The following SH3GL2 variants were observed in gnomAD, a reference collection of about 807,000 sequenced individuals.
SH3GL2 encodes endophilin-A1.
In SH3GL2, 24 loss-of-function variants were observed where a neutral mutation model predicts 46.0. The ratio of observed to expected loss-of-function variants is 0.52; its 90% CI spans 0.38 to 0.73. SH3GL2 has a LOEUF of 0.73. Ranked by LOEUF, SH3GL2 falls within the 30% of genes least tolerant of loss-of-function variation. SH3GL2 has a pLI of 0.00. For missense variants in SH3GL2, 413 were observed against 424.2 expected (o/e 0.97, Z 0.23); for synonymous variants, 196 against 147.1 (o/e 1.33, Z -2.40).
rs759018165 is a variant in SH3GL2 at position 17,600,842 on chromosome 9, GAGAA to G, written c.45+21559_45+21562del. Reference sequence around the variant, plus strand: ...AATTGTTGGAAGACAGAGCAGAGGGGAGAAAGAGATATGTTATTTATGTAGGTGA... The same window carrying G: ...AATTGTTGGAAGACAGAGCAGAGGGGAGAGATATGTTATTTATGTAGGTGA... On this transcript the variant is annotated intron_variant, in intron 1 of 8. Transcript: ENST00000380607. 2.0e-5 allele frequency among the ~76,000 whole-genome samples: 3 copies of G among 152,292 alleles called. No individual in the cohort carries two copies. In the South Asian group the frequency reaches 6.2e-4, roughly 32 times the overall value.
Position 17,795,839 on chromosome 9 carries a change from C to A in SH3GL2, c.*96C>A. On this transcript the variant is annotated 3_prime_UTR_variant, in exon 9 of 9. Transcript: ENST00000380607. ...GCTTATAACACATCCCAAGTGCAGG[C>A]CGCAGTGGTCCACGTCATCCAGCCC... The A allele has an allele frequency of 1.0e-6, 1 of 969,446 alleles. No individual in the cohort carries two copies. Among genetic ancestry groups the A allele is most frequent in the Admixed American group, 2.3e-5 (1 of 44,084 alleles). The allele number at this position is 969,446 out of a possible 1,614,324, so 60.1% of individuals were successfully genotyped here. A position where few individuals can be genotyped will look rare whatever the true frequency, so the allele number is the denominator to read the frequency against.
chr9:17,626,994 C>G (rs564923823), intron 1 of SH3GL2, among the ~76,000 whole-genome samples: 24 of 152,284 alleles, frequency 1.6e-4, no homozygotes, highest in African/African-American at 5.8e-4. Context: ...CCTCCACTTT[C>G]TGTCAGGCCC....
intron 2 of SH3GL2, among the ~76,000 whole-genome samples, chr9:17,754,975 A>C (rs933232922): frequency 6.6e-6 from 1 of 152,160 alleles, no homozygotes; most frequent in South Asian, 2.1e-4. Flanking sequence ...GATGTGCTTT[A>C]TTTCTTTCTC....
intron 2 of SH3GL2, among the ~76,000 whole-genome samples, chr9:17,758,762 G>A (rs979565356): frequency 1.7e-5 from 2 of 119,048 alleles, no homozygotes; most frequent in Admixed American, 8.2e-5. Context: ...AAGGGTTTAG[G>A]TAGAACTTGC....
At chr9:17,610,419 T>A (rs1423519190) in intron 1 of SH3GL2, among the ~76,000 whole-genome samples, 1 of 152,164 alleles carries the variant, frequency 6.6e-6, no homozygotes, top group Admixed American at 6.5e-5. Flanking sequence ...CATGTTATAT[T>A]CTCAAAGAGT....
intron 1 of SH3GL2, among the ~76,000 whole-genome samples, chr9:17,724,558 GGT>G (rs1227680164): frequency 1.3e-5 from 2 of 151,918 alleles, no homozygotes; most frequent in South Asian, 2.1e-4. Context: ...TTTTCCTGGG[GGT>G]GTGTGTGTGG....
At chr9:17,638,214 G>A (rs756659009) in intron 1 of SH3GL2, among the ~76,000 whole-genome samples, 2 of 151,630 alleles carry the variant, frequency 1.3e-5, no homozygotes, top group Non-Finnish European at 1.5e-5. Context: ...TGTTTTGCAA[G>A]ATATCCTAGA....
intron 1 of SH3GL2, among the ~76,000 whole-genome samples, chr9:17,635,659 C>A (rs370782418): frequency 2.0e-5 from 3 of 152,276 alleles, no homozygotes; most frequent in African/African-American, 7.2e-5. Flanking sequence ...AGTCATGTGC[C>A]TGCTGTGAGA....
chr9:17,625,418 A>C (rs1230133657), intron 1 of SH3GL2, among the ~76,000 whole-genome samples: 1 of 152,192 alleles, frequency 6.6e-6, no homozygotes, highest in Non-Finnish European at 1.5e-5. Context: ...CCTAACTTGC[A>C]AGTCACCTGA....
At position 17,655,304 on chromosome 9, in the gene SH3GL2, G is replaced by C. The variant is rs140817013; in HGVS notation, c.45+76017G>C. Among the ~76,000 whole-genome samples the C allele has an allele frequency of 2.5e-3, 378 of 152,214 alleles. 1 individual carries two copies. The highest frequency in any genetic ancestry group is 8.7e-3 in the African/African-American group (361 of 41,544). On this transcript the variant is annotated intron_variant, in intron 1 of 8. Coordinates refer to ENST00000380607, the MANE Select transcript of SH3GL2 (RefSeq NM_003026.5). ...CCCAGAAGGATGGCAAGGGGTGTACGTGCTGTGTTTTGTCCCTCCCTCTTC... is the reference window on the plus strand; with the variant it reads ...CCCAGAAGGATGGCAAGGGGTGTACCTGCTGTGTTTTGTCCCTCCCTCTTC...
chr9:17,638,285 G>A (rs9407820), intron 1 of SH3GL2, among the ~76,000 whole-genome samples: 92,398 of 151,976 alleles, frequency 0.61, 29,307 homozygotes, highest in Non-Finnish European at 0.71. Flanking sequence ...GTCCTATTTC[G>A]TTAGACATTC....
At chr9:17,754,111 A>G (rs1180813131) in intron 2 of SH3GL2, among the ~76,000 whole-genome samples, 2 of 152,148 alleles carry the variant, frequency 1.3e-5, no homozygotes, top group Non-Finnish European at 2.9e-5. Context: ...GTTGGATAGC[A>G]TGATGACTCC....
At chr9:17,788,602 C>G (rs949702596) in intron 5 of SH3GL2, among the ~76,000 whole-genome samples, 5 of 152,172 alleles carry the variant, frequency 3.3e-5, no homozygotes, top group Admixed American at 3.3e-4. Flanking sequence ...ACTTTGCTAC[C>G]TGGTCACTAG....
intron 1 of SH3GL2, among the ~76,000 whole-genome samples, chr9:17,584,798 G>T (rs1447825745): frequency 6.6e-6 from 1 of 152,174 alleles, no homozygotes; most frequent in African/African-American, 2.4e-5. Context: ...TATATGAAAA[G>T]AAAGTGGTGA....
intron 1 of SH3GL2, among the ~76,000 whole-genome samples, chr9:17,620,969 G>A (rs1819124602): frequency 6.6e-6 from 1 of 152,168 alleles, no homozygotes; most frequent in East Asian, 1.9e-4. Flanking sequence ...CAGAAAATGA[G>A]TTTTTAAAAA....
chr9:17,580,240 A>G (rs1481288777), intron 1 of SH3GL2, among the ~76,000 whole-genome samples: 1 of 152,188 alleles, frequency 6.6e-6, no homozygotes, highest in Non-Finnish European at 1.5e-5. Context: ...GATTTTGATG[A>G]CTTACCGCGA....
Position 17,636,223 on chromosome 9 carries a change from G to T in SH3GL2, c.45+56936G>T, listed in dbSNP as rs538402949. ...AACCGTGGATTGAAAAGCACCAAGT[G>T]CATCTTATGAATGCATTTCTAGGCC... On this transcript the variant is annotated intron_variant, in intron 1 of 8. Transcript: ENST00000380607. Among the ~76,000 whole-genome samples, 3 of 152,266 alleles carry T rather than the reference G, an allele frequency of 2.0e-5. No homozygotes were observed. In the East Asian group the frequency reaches 5.8e-4, roughly 29 times the overall value.
At chr9:17,611,046 C>T (rs951975095) in intron 1 of SH3GL2, among the ~76,000 whole-genome samples, 3 of 152,136 alleles carry the variant, frequency 2.0e-5, no homozygotes, top group Non-Finnish European at 2.9e-5. Flanking sequence ...TTCTATATTT[C>T]TCTGAGAGTT....
intron 1 of SH3GL2, among the ~76,000 whole-genome samples, chr9:17,587,640 G>A (rs1042112956): frequency 6.6e-6 from 1 of 152,168 alleles, no homozygotes. Flanking sequence ...CACTTTGGGA[G>A]GCCGAGGTGG....
Sources: gnomAD v4.1 joint callset for allele counts (sites outside exome capture counted in the v4.1 genomes callset) on GRCh38, gnomAD v4.1.1 for gene constraint, MANE v1.5 for transcripts, NCBI Gene and HGNC (gene_info 2026-07-23, HGNC 2026-07-21) for gene names.